The following FASLG variants were observed in gnomAD, a reference collection of about 807,000 sequenced individuals.
The protein encoded by FASLG is tumor necrosis factor ligand superfamily member 6.
Under a neutral mutation model 24.6 loss-of-function variants are expected in FASLG, and 9 were observed. That is an observed-to-expected ratio of 0.37 (90% CI 0.22 to 0.64). FASLG has a LOEUF of 0.64. FASLG is among the 30% of genes least tolerant of loss of function. The pLI is 0.64. For missense variants in FASLG, 306 were observed against 345.3 expected, an observed-to-expected ratio of 0.89 and a Z score of 0.90; for synonymous variants, 130 against 135.5, an observed-to-expected ratio of 0.96 and a Z score of 0.28.
At chr1:172,661,206 G>C (rs116503792) in intron 2 of FASLG, among the ~76,000 whole-genome samples, 1 of 152,194 alleles carries the variant, frequency 6.6e-6, no homozygotes, top group Non-Finnish European at 1.5e-5. Flanking sequence ...CCTCTGCAAA[G>C]ACTATAGGTA....
chr1:172,666,065 C>G lies in FASLG; in HGVS notation c.*49C>G. 1.2e-6 allele frequency: 2 copies of G among 1,606,876 alleles called. No homozygotes were observed. Among genetic ancestry groups the G allele is most frequent in the Non-Finnish European group, 1.7e-6 (2 of 1,176,748 alleles). On this transcript the variant is annotated 3_prime_UTR_variant, in exon 4 of 4. Transcript: ENST00000367721. Reference sequence around the variant, plus strand: ...CATTATGATTCTTTGTTACAGGCACCGAGAATGTTGTATTCAGTGAGGGTC... The same window carrying G: ...CATTATGATTCTTTGTTACAGGCACGGAGAATGTTGTATTCAGTGAGGGTC...
chr1:172,660,185 TCAGCAC>T (rs776754369), intron 2 of FASLG, 45 bp downstream of exon 2: 2 of 1,577,772 alleles, frequency 1.3e-6, no homozygotes, highest in Admixed American at 1.7e-5. Context: ...AAGATGATCC[TCAGCAC>T]AGAACTATGT....
intron 2 of FASLG, 54 bp downstream of exon 2, chr1:172,660,194 A>C (rs1571330108): frequency 6.5e-7 from 1 of 1,549,922 alleles, no homozygotes; most frequent in South Asian, 1.1e-5. Context: ...CTCAGCACAG[A>C]ACTATGTTAA....
At chr1:172,663,407 GGGCAGATCATATTTGATCAAAAAA>G (rs1453601306) in intron 2 of FASLG, among the ~76,000 whole-genome samples, 4 of 152,112 alleles carry the variant, frequency 2.6e-5, no homozygotes, top group Non-Finnish European at 4.4e-5. Flanking sequence ...TTCAAAAGAG[GGGCAGATCATATTTGATCAAAAAA>G]GGCTTGAGAG....
intron 2 of FASLG, among the ~76,000 whole-genome samples, chr1:172,661,143 C>A (rs532909149): frequency 6.6e-6 from 1 of 152,154 alleles, no homozygotes; most frequent in Non-Finnish European, 1.5e-5. Context: ...AGGAGGGAAA[C>A]TCCTGTCTCT....
chr1:172,666,846 T>C lies in FASLG; in HGVS notation c.*830T>C, dbSNP rs1278939602. The C allele has an allele frequency of 6.6e-6, 1 of 152,414 alleles. No homozygotes were observed. The highest frequency in any genetic ancestry group is 1.5e-5 in the Non-Finnish European group (1 of 68,034). The allele number at this position is 152,414 out of a possible 1,614,324, so 9.4% of individuals were successfully genotyped here. ...TGCATTTTTGTGAAATGAAAACATG[T>C]AATAAAAAGTATATGTTAGGATACA... On this transcript the variant is annotated 3_prime_UTR_variant, in exon 4 of 4. Coordinates refer to ENST00000367721, the MANE Select transcript of FASLG (RefSeq NM_000639.3).
At chr1:172,663,895 G>C (rs1176449970) in intron 2 of FASLG, among the ~76,000 whole-genome samples, 1 of 152,100 alleles carries the variant, frequency 6.6e-6, no homozygotes, top group East Asian at 1.9e-4. Context: ...TGGAATTGGC[G>C]TCAGGAGAGC....
Position 172,659,558 on chromosome 1 carries a change from G to T in FASLG, c.348+9G>T. 1.2e-6 allele frequency: 2 copies of T among 1,612,996 alleles called. No homozygotes were observed. Among genetic ancestry groups the T allele is most frequent in the Non-Finnish European group, 1.7e-6 (2 of 1,179,854 alleles). On this transcript the variant is annotated intron_variant, in intron 1 of 3. Transcript: ENST00000367721. ...TGGCAGAACTCCGAGAGGTAAGCCT[G>T]CCGGCAGACTGCTGTGCCCTGGAGG...
chr1:172,661,917 A>T (rs976576229), intron 2 of FASLG, among the ~76,000 whole-genome samples: 7 of 152,162 alleles, frequency 4.6e-5, no homozygotes, highest in African/African-American at 1.7e-4. Context: ...TTTACGTTGT[A>T]ATCCTATCGC....
chr1:172,661,288 G>C (rs1359036651), intron 2 of FASLG, among the ~76,000 whole-genome samples: 1 of 152,210 alleles, frequency 6.6e-6, no homozygotes, highest in African/African-American at 2.4e-5. Context: ...GCAAGTTCCA[G>C]TTTCTCCGGA....
Position 172,666,310 on chromosome 1 carries a change from G to T in FASLG, c.*294G>T. Reference sequence around the variant, plus strand: ...GTTCTACACTCATCTTAGTGCCTGAGAGTATTTAGGCAGATTGAAAAGGAC... The same window carrying T: ...GTTCTACACTCATCTTAGTGCCTGATAGTATTTAGGCAGATTGAAAAGGAC... On this transcript the variant is annotated 3_prime_UTR_variant, in exon 4 of 4. Transcript: ENST00000367721. 1 of 410,156 alleles carries T rather than the reference G, an allele frequency of 2.4e-6. No individual in the cohort carries two copies. The highest frequency in any genetic ancestry group is 4.5e-6 in the Non-Finnish European group (1 of 220,502). The allele number at this position is 410,156 out of a possible 1,614,324, so 25.4% of individuals were successfully genotyped here.
Position 172,666,069 on chromosome 1 carries a change from A to G in FASLG, c.*53A>G. 1 of 1,606,082 alleles carries G rather than the reference A, an allele frequency of 6.2e-7. No individual in the cohort carries two copies. The highest frequency in any genetic ancestry group is 8.5e-7 in the Non-Finnish European group (1 of 1,176,434). On this transcript the variant is annotated 3_prime_UTR_variant, in exon 4 of 4. Coordinates refer to ENST00000367721, the MANE Select transcript of FASLG (RefSeq NM_000639.3). The stretch of plus-strand genomic sequence containing the variant: ...ATGATTCTTTGTTACAGGCACCGAG[A>G]ATGTTGTATTCAGTGAGGGTCTTCT...
At chr1:172,664,759 T>C (rs1659222174) in intron 3 of FASLG, among the ~76,000 whole-genome samples, 1 of 152,210 alleles carries the variant, frequency 6.6e-6, no homozygotes, top group South Asian at 2.1e-4. Context: ...CTTGGTTTTC[T>C]GGAAGAGCTT....
rs1377007022 is a variant in FASLG, at chr1:172,666,063, A to G, written c.*47A>G. The G allele has an allele frequency of 6.2e-7, 1 of 1,608,972 alleles. No homozygotes were observed. The highest frequency in any genetic ancestry group is 1.3e-5 in the African/African-American group (1 of 74,954). On this transcript the variant is annotated 3_prime_UTR_variant, in exon 4 of 4. Coordinates refer to ENST00000367721, the MANE Select transcript of FASLG (RefSeq NM_000639.3). ...TCCATTATGATTCTTTGTTACAGGC[A>G]CCGAGAATGTTGTATTCAGTGAGGG...
At chr1:172,662,167 A>G (rs927359128) in intron 2 of FASLG, among the ~76,000 whole-genome samples, 8 of 152,252 alleles carry the variant, frequency 5.3e-5, no homozygotes, top group African/African-American at 1.9e-4. Context: ...GTATTGTTAG[A>G]TAAAAAGACA....
intron 1 of FASLG, 134 bp downstream of exon 1, chr1:172,659,683 A>G (rs947610431): frequency 1.5e-6 from 2 of 1,355,920 alleles, no homozygotes; most frequent in Non-Finnish European, 2.0e-6. Context: ...TAGTTATTCT[A>G]TTCTATAGAC....
At chr1:172,659,603 G>A in intron 1 of FASLG, 54 bp downstream of exon 1, 1 of 1,594,080 alleles carries the variant, frequency 6.3e-7, no homozygotes, top group Non-Finnish European at 8.5e-7. Flanking sequence ...TAAGGGGATG[G>A]AGGGCCCACT....
Position 172,659,469 on chromosome 1 carries a change from G to A in FASLG, c.268G>A (p.Val90Ile). The A allele has an allele frequency of 1.2e-6, 2 of 1,614,000 alleles. No individual in the cohort carries two copies. The highest frequency in any genetic ancestry group is 1.7e-6 in the Non-Finnish European group (2 of 1,179,968). Reference protein sequence around the residue: ...GLCLLVMFFMVLVALVGLGLG... With the variant: ...GLCLLVMFFMILVALVGLGLG... ...GTGTCTCCTTGTGATGTTTTTCATG[G>A]TTCTGGTTGCCTTGGTAGGATTGGG... Residue 90 changes from valine to isoleucine, a missense_variant, in exon 1 of 4, where the codon GTT (valine) becomes ATT (isoleucine). Physicochemically the swap from Val to Ile is conservative, Grantham distance 29. Transcript: ENST00000367721.
chr1:172,663,157 G>A (rs1659178993), intron 2 of FASLG, among the ~76,000 whole-genome samples: 1 of 152,202 alleles, frequency 6.6e-6, no homozygotes, highest in South Asian at 2.1e-4. Context: ...TATCTTGTCT[G>A]AAACAGTTGA....
Sources: allele counts gnomAD v4.1 joint callset (sites outside exome capture counted in the v4.1 genomes callset), GRCh38; gene constraint gnomAD v4.1.1; transcripts MANE v1.5; gene names NCBI Gene and HGNC (gene_info 2026-07-23, HGNC 2026-07-21).